FBXL18: variants seen among roughly 807,000 people sequenced by gnomAD.
The protein encoded by FBXL18 is F-box and leucine rich repeat protein 18, also known as F-box/LRR-repeat protein 18.
In FBXL18, 36 loss-of-function variants were observed where a neutral mutation model predicts 46.0. That is an observed-to-expected ratio of 0.78 (90% CI 0.60 to 1.03). FBXL18 has a LOEUF of 1.03. Among genes scored for constraint, FBXL18 ranks in the 50% least tolerant of loss-of-function variants. The pLI is 0.00. For missense variants in FBXL18, 977 were observed against 1,004.1 expected, an observed-to-expected ratio of 0.97 and a Z score of 0.36; for synonymous variants, 557 against 465.3, an observed-to-expected ratio of 1.20 and a Z score of -2.54.
rs540173839 is a variant in FBXL18, at chr7:5,468,311, A to G, written c.2001-20468T>C. 6.2e-4 allele frequency among the ~76,000 whole-genome samples: 91 copies of G among 147,844 alleles called. No individual in the cohort carries two copies. The East Asian group carries it at 0.012, about 19-fold the overall frequency. On this transcript the variant is annotated intron_variant and NMD_transcript_variant, in intron 4 of 6. Transcript: ENST00000415009. The stretch of plus-strand genomic sequence containing the variant: ...TTTTTGTATTTTTAGTAGAAACGGG[A>G]TTTCACTGTGTCAGCCAGGATGGCC...
At chr7:5,492,222 G>T (rs1053037638) in intron 3 of FBXL18, among the ~76,000 whole-genome samples, 13 of 148,940 alleles carry the variant, frequency 8.7e-5, no homozygotes, top group South Asian at 2.2e-4. Flanking sequence ...CCTTCCTGGG[G>T]AGTCTGTCCA....
chr7:5,474,020 C>T (rs919770974), downstream of FBXL18, among the ~76,000 whole-genome samples: 2 of 152,148 alleles, frequency 1.3e-5, no homozygotes, highest in African/African-American at 4.8e-5. Context: ...TGGTCTCAAA[C>T]TCCTGACCTC....
At chr7:5,468,968 GT>G (rs1422526961) in intron 4 of FBXL18, among the ~76,000 whole-genome samples, 5 of 139,442 alleles carry the variant, frequency 3.6e-5, no homozygotes, top group Non-Finnish European at 7.7e-5. Context: ...CAGTCCCTTT[GT>G]TTTGGTGTGT....
chr7:5,457,394 C>T (rs528789606), intron 4 of FBXL18, among the ~76,000 whole-genome samples: 8 of 152,258 alleles, frequency 5.3e-5, no homozygotes, highest in Admixed American at 2.6e-4. Context: ...GAGATGTAAG[C>T]TGCTGGATCA....
rs1784229844 is a variant in FBXL18, at chr7:5,500,967, G to A, written c.1302C>T (p.Arg434=). ...CGTGCATGGCCGGCTGGGCGGGCGC[G>A]CGGTCGGCGCGCGGCGCGGAGTCAG... is the stretch of plus-strand genomic sequence containing the variant. The part of the protein sequence containing the change: ...SVADSAPRAD[R]APAQPAMHAV... Residue 434 remains arginine, a synonymous_variant, in exon 3 of 5, where the codon CGC becomes CGT. Transcript: ENST00000382368. The A allele has an allele frequency of 1.2e-5, 19 of 1,536,270 alleles. No homozygotes were observed. The highest frequency in any genetic ancestry group is 6.5e-5 in the Admixed American group (3 of 46,000).
chr7:5,481,866 T>C lies in FBXL18; in HGVS notation c.2066A>G (p.Asp689Gly). 1 of 1,613,788 alleles carries C rather than the reference T, an allele frequency of 6.2e-7. No individual in the cohort carries two copies. The highest frequency in any genetic ancestry group is 8.5e-7 in the Non-Finnish European group (1 of 1,179,960). The change falls in exon 5 of 5, where the codon GAC (aspartate) becomes GGC (glycine). Residue 689 changes from aspartate (D) to glycine (G), a missense_variant. Coordinates refer to ENST00000382368, the MANE Select transcript of FBXL18 (RefSeq NM_024963.6). Reference sequence around the variant, plus strand: ...CACCAGGGGGACGTCCCGGATGACGTCGGTCAGGCCCTCGTGGAGCAGAGG... The same window carrying C: ...CACCAGGGGGACGTCCCGGATGACGCCGGTCAGGCCCTCGTGGAGCAGAGG... Reference protein sequence around the residue: ...IFPLLHEGLTDVIRDVPLVHL... With the variant: ...IFPLLHEGLTGVIRDVPLVHL...
At chr7:5,462,338 G>T (rs538951229) in intron 4 of FBXL18, among the ~76,000 whole-genome samples, 3 of 152,198 alleles carry the variant, frequency 2.0e-5, no homozygotes, top group African/African-American at 7.2e-5. Flanking sequence ...CTTGCCCGAG[G>T]CCGGTACAGG....
chr7:5,463,729 T>TA (rs1562672305), intron 4 of FBXL18, among the ~76,000 whole-genome samples: 141 of 10,036 alleles, frequency 0.014, 3 homozygotes, highest in African/African-American at 0.037. Context: ...TATTTATTTA[T>TA]TTTTTTTTTT....
Position 5,505,527 on chromosome 7 carries a change from C to T in FBXL18, c.122G>A (p.Ser41Asn), listed in dbSNP as rs1260008313. The stretch of plus-strand genomic sequence containing the variant: ...AATCAGATCTGTGCTGGGGACGTGA[C>T]TCAGGATGTGAAGGAGGATCTCATC... ...FSDEILLHIL[S>N]HVPSTDLILN... The change falls in exon 2 of 5, where the codon AGT becomes AAT. Residue 41 changes from serine (S) to asparagine (N), a missense_variant. Coordinates refer to ENST00000382368, the MANE Select transcript of FBXL18 (RefSeq NM_024963.6). 18 of 1,614,022 alleles carry T rather than the reference C, an allele frequency of 1.1e-5. No homozygotes were observed. The highest frequency in any genetic ancestry group is 1.4e-5 in the Non-Finnish European group (17 of 1,180,032).
In FBXL18 at chr7:5,480,537, T is replaced by C. The variant is rs1289177584; in HGVS notation, c.*1238A>G. The C allele has an allele frequency of 2.4e-4, 10 of 42,088 alleles. 1 individual carries two copies. Among genetic ancestry groups the C allele is most frequent in the Non-Finnish European group, 2.4e-4 (5 of 20,452 alleles). The allele number at this position is 42,088 out of a possible 1,614,324, so 2.6% of individuals were successfully genotyped here. A position where few individuals can be genotyped will look rare whatever the true frequency, so the allele number is the denominator to read the frequency against. ...TCCCAAAGTGTGTTGAATATATATA[T>C]ATATATATATATTTTTTTTTTTTTT... On this transcript the variant is annotated 3_prime_UTR_variant, in exon 5 of 5. Coordinates refer to ENST00000382368, the MANE Select transcript of FBXL18 (RefSeq NM_024963.6).
Position 5,513,747 on chromosome 7 carries a change from T to G in FBXL18, c.-73A>C, listed in dbSNP as rs1429932243. ...CTCCCACCTGCCCGGCTAGGGATGC[T>G]CGAAGCCGGCGCGTCCACCGCTCAA... On this transcript the variant is annotated 5_prime_UTR_variant, in exon 1 of 5. Coordinates refer to ENST00000382368, the MANE Select transcript of FBXL18 (RefSeq NM_024963.6). 1 of 1,554,712 alleles carries G rather than the reference T, an allele frequency of 6.4e-7. No homozygotes were observed. The highest frequency in any genetic ancestry group is 8.7e-7 in the Non-Finnish European group (1 of 1,148,982).
intron 4 of FBXL18, among the ~76,000 whole-genome samples, chr7:5,456,284 T>A (rs1584175646): frequency 6.6e-6 from 1 of 152,174 alleles, no homozygotes; most frequent in East Asian, 1.9e-4. Flanking sequence ...TGCCCTGGGC[T>A]CTCAGGAGGC....
chr7:5,481,886 C>T lies in FBXL18; in HGVS notation c.2046G>A (p.Leu682=). 1 of 1,613,344 alleles carries T rather than the reference C, an allele frequency of 6.2e-7. No homozygotes were observed. The highest frequency in any genetic ancestry group is 8.5e-7 in the Non-Finnish European group (1 of 1,179,746). Reference sequence around the variant, plus strand: ...TGACGTCGGTCAGGCCCTCGTGGAGCAGAGGGAAGATGACGACGTTTAACG... The same window carrying T: ...TGACGTCGGTCAGGCCCTCGTGGAGTAGAGGGAAGATGACGACGTTTAACG... ...RPALNVVIFP[L]LHEGLTDVIR... The change falls in exon 5 of 5, where the codon CTG becomes CTA. Residue 682 remains leucine (L), a synonymous_variant. Transcript: ENST00000382368.
At chr7:5,495,627 A>T (rs1456983774) in intron 3 of FBXL18, among the ~76,000 whole-genome samples, 2 of 152,108 alleles carry the variant, frequency 1.3e-5, no homozygotes, top group African/African-American at 4.8e-5. Flanking sequence ...CTGGCGTGGG[A>T]TTCCAAGCTC....
Position 5,500,764 on chromosome 7 carries a change from T to C in FBXL18, c.1505A>G (p.Asn502Ser). 1 of 1,612,476 alleles carries C rather than the reference T, an allele frequency of 6.2e-7. No homozygotes were observed. The highest frequency in any genetic ancestry group is 1.1e-5 in the South Asian group (1 of 91,056). The change falls in exon 3 of 5, where the codon AAC (asparagine) becomes AGC (serine). Residue 502 changes from asparagine (N) to serine (S), a missense_variant. By Grantham distance (46) the Asn-to-Ser change is conservative (BLOSUM62 1). Coordinates refer to ENST00000382368, the MANE Select transcript of FBXL18 (RefSeq NM_024963.6). ...GSNFSSAMPRNEPAIRNSLPP... is the reference protein window; with the variant it reads ...GSNFSSAMPRSEPAIRNSLPP... ...GAGCGAGTTGCGGATGGCGGGCTCG[T>C]TGCGGGGCATGGCGGAGGAGAAGTT...
chr7:5,511,208 A>G (rs1784522113), intron 1 of FBXL18, among the ~76,000 whole-genome samples: 1 of 151,740 alleles, frequency 6.6e-6, no homozygotes, highest in South Asian at 2.1e-4. Flanking sequence ...AAGCCAAGGC[A>G]GGTGGATTAT....
intron 3 of FBXL18, among the ~76,000 whole-genome samples, chr7:5,497,017 T>G (rs1584227549): frequency 3.4e-5 from 4 of 117,674 alleles, no homozygotes; most frequent in Admixed American, 1.1e-4. Context: ...GGTGACAGAG[T>G]GAGACTCTGT....
chr7:5,474,777 G>C (rs370162226), downstream of FBXL18, among the ~76,000 whole-genome samples: 1 of 150,400 alleles, frequency 6.6e-6, no homozygotes, highest in African/African-American at 2.4e-5. Flanking sequence ...GCGCGATCTC[G>C]GCTCACTGCA....
At chr7:5,470,325 T>A (rs1354115366) in intron 4 of FBXL18, among the ~76,000 whole-genome samples, 1 of 150,698 alleles carries the variant, frequency 6.6e-6, no homozygotes, top group Non-Finnish European at 1.5e-5. Context: ...GGCGTGCCCC[T>A]CCCTACCCCT....
Sources: allele counts gnomAD v4.1 joint callset (sites outside exome capture counted in the v4.1 genomes callset), GRCh38; gene constraint gnomAD v4.1.1; transcripts MANE v1.5; gene names NCBI Gene and HGNC (gene_info 2026-07-23, HGNC 2026-07-21).